Variants in USP15 observed in about 807,000 individuals in gnomAD.
USP15 encodes the protein ubiquitin specific peptidase 15, also known as ubiquitin carboxyl-terminal hydrolase 15.
Under a neutral mutation model 127.1 loss-of-function variants are expected in USP15, and 18 were observed. The observed-to-expected ratio is 0.14, with a 90% CI of 0.10 to 0.21. The LOEUF (loss-of-function observed/expected upper bound fraction) is 0.21, where lower values mean the gene tolerates loss of function less well. Ranked by LOEUF, USP15 falls within the 10% of genes least tolerant of loss-of-function variation. USP15 has a pLI of 1.00. For missense variants in USP15, 805 were observed against 1,159.9 expected, an observed-to-expected ratio of 0.69 and a Z score of 4.44; for synonymous variants, 364 against 393.7, an observed-to-expected ratio of 0.92 and a Z score of 0.89.
At chr12:62,302,419 A>C (rs917181694) in intron 2 of USP15, among the ~76,000 whole-genome samples, 49 of 152,208 alleles carry the variant, frequency 3.2e-4, no homozygotes, top group Non-Finnish European at 7.3e-5. Context: ...TTATGGTACA[A>C]ACTGAAAGTT....
At position 62,343,453 on chromosome 12, in the gene USP15, T is replaced by C. The variant is rs573072612; in HGVS notation, c.684-5768T>C. On this transcript the variant is annotated intron_variant, in intron 6 of 21. Coordinates refer to ENST00000280377, the MANE Select transcript of USP15 (RefSeq NM_001252078.2). ...CTCGCTGGCATTCCAGGCACCACTG[T>C]AGTTACGAGAAAAACTCCTACAGCT... Among the ~76,000 whole-genome samples the C allele has an allele frequency of 7.9e-5, 12 of 152,262 alleles. No homozygotes were observed. The South Asian group carries it at 2.5e-3, about 32-fold the overall frequency.
At chr12:62,386,168 G>GGT (rs1555222185) in intron 11 of USP15, among the ~76,000 whole-genome samples, 2 of 145,296 alleles carry the variant, frequency 1.4e-5, no homozygotes, top group East Asian at 2.0e-4. Flanking sequence ...TGTGTTTTGT[G>GGT]TTTTTTTTTT....
chr12:62,281,586 A>G (rs1186621758), intron 1 of USP15, among the ~76,000 whole-genome samples: 1 of 152,162 alleles, frequency 6.6e-6, no homozygotes, highest in Non-Finnish European at 1.5e-5. Flanking sequence ...TGATCCAGCC[A>G]TCTTGGCCTC....
chr12:62,389,548 G>T (rs1338679882), intron 12 of USP15, 34 bp downstream of exon 12: 2 of 1,610,628 alleles, frequency 1.2e-6, no homozygotes, highest in African/African-American at 2.7e-5. Context: ...TATATAAGTT[G>T]GTATTTAGTT....
intron 1 of USP15, among the ~76,000 whole-genome samples, chr12:62,284,670 C>A (rs2063740572): frequency 6.6e-6 from 1 of 152,036 alleles, no homozygotes; most frequent in African/African-American, 2.4e-5. Flanking sequence ...CTCTCATTAA[C>A]CTTTATCTTT....
At chr12:62,361,893 G>A (rs144139107) in intron 8 of USP15, among the ~76,000 whole-genome samples, 2 of 152,034 alleles carry the variant, frequency 1.3e-5, no homozygotes, top group Non-Finnish European at 2.9e-5. Flanking sequence ...ACCATTGTTC[G>A]ATTAATAGTA....
intron 1 of USP15, among the ~76,000 whole-genome samples, chr12:62,269,620 T>C (rs900983938): frequency 1.3e-5 from 2 of 151,964 alleles, no homozygotes; most frequent in Admixed American, 6.6e-5. Flanking sequence ...AGGATCTTGC[T>C]GTGTTGCCCA....
chr12:62,382,371 G>A lies in USP15; in HGVS notation c.1089+708G>A, dbSNP rs112193597. 7.4e-4 allele frequency among the ~76,000 whole-genome samples: 113 copies of A among 151,862 alleles called. 1 individual carries two copies. The highest frequency in any genetic ancestry group is 2.6e-4 in the Admixed American group (4 of 15,222). ...TAGAGAGAATAAGCAGTTTTAAGTC[G>A]TTATTTATACAAGTAATTTAAATGG... is the stretch of plus-strand genomic sequence containing the variant. On this transcript the variant is annotated intron_variant, in intron 9 of 21. Coordinates refer to ENST00000280377, the MANE Select transcript of USP15 (RefSeq NM_001252078.2).
chr12:62,378,630 G>T (rs2066902898), intron 8 of USP15, among the ~76,000 whole-genome samples: 1 of 152,102 alleles, frequency 6.6e-6, no homozygotes, highest in Non-Finnish European at 1.5e-5. Flanking sequence ...GTTTCAAGGA[G>T]TTTTTAAAAA....
chr12:62,368,608 T>C (rs1456419622), intron 8 of USP15, among the ~76,000 whole-genome samples: 1 of 152,220 alleles, frequency 6.6e-6, no homozygotes, highest in East Asian at 1.9e-4. Context: ...AAAGTATGTT[T>C]TATCAAAGAT....
chr12:62,333,014 A>C lies in USP15; in HGVS notation c.683+7081A>C, dbSNP rs371430664. Among the ~76,000 whole-genome samples, 10 of 152,280 alleles carry C rather than the reference A, an allele frequency of 6.6e-5. No homozygotes were observed. In the South Asian group the frequency reaches 1.5e-3, roughly 22 times the overall value. ...ATTCTGTTTTTATTTTTTTTACACT[A>C]TCTTAAACGTCTTTAGAAATTTTTA... is the stretch of plus-strand genomic sequence containing the variant. On this transcript the variant is annotated intron_variant, in intron 6 of 21. Coordinates refer to ENST00000280377, the MANE Select transcript of USP15 (RefSeq NM_001252078.2).
chr12:62,395,766 T>A (rs1199092407), intron 19 of USP15, among the ~76,000 whole-genome samples: 1 of 151,862 alleles, frequency 6.6e-6, no homozygotes, highest in African/African-American at 2.4e-5. Flanking sequence ...TTTCTGTGCC[T>A]GGCTTATTTG....
intron 1 of USP15, among the ~76,000 whole-genome samples, chr12:62,282,283 A>G (rs1250523624): frequency 1.3e-5 from 2 of 152,094 alleles, no homozygotes; most frequent in Admixed American, 6.6e-5. Flanking sequence ...AGCTGTGATC[A>G]TGCCCCACTG....
At position 62,376,432 on chromosome 12, in the gene USP15, A is replaced by G. The variant is rs532527337; in HGVS notation, c.916-5058A>G. ...AAATGTGGCTTAAGAAATATGTTTT[A>G]TGATCAGTCACATAGCCTCATATTT... is the stretch of plus-strand genomic sequence containing the variant. On this transcript the variant is annotated intron_variant, in intron 8 of 21. Transcript: ENST00000280377. Among the ~76,000 whole-genome samples the G allele has an allele frequency of 4.6e-5, 7 of 152,272 alleles. No homozygotes were observed. In the East Asian group the frequency reaches 1.3e-3, roughly 29 times the overall value.
intron 21 of USP15, among the ~76,000 whole-genome samples, chr12:62,403,588 T>A (rs2067764741): frequency 6.6e-6 from 1 of 151,798 alleles, no homozygotes; most frequent in African/African-American, 2.4e-5. Flanking sequence ...GAATGATGAG[T>A]ATTGACAACT....
chr12:62,291,969 G>A (rs146901746), intron 1 of USP15, among the ~76,000 whole-genome samples: 1 of 152,198 alleles, frequency 6.6e-6, no homozygotes, highest in Non-Finnish European at 1.5e-5. Context: ...GCATTTGCAG[G>A]TATGAGTCAG....
At chr12:62,322,566 C>T (rs891228017) in intron 5 of USP15, among the ~76,000 whole-genome samples, 4 of 152,148 alleles carry the variant, frequency 2.6e-5, no homozygotes, top group African/African-American at 7.2e-5. Context: ...CTTTCATAGT[C>T]TCTTTACAAA....
At chr12:62,340,652 A>C (rs1344190945) in intron 6 of USP15, among the ~76,000 whole-genome samples, 1 of 152,206 alleles carries the variant, frequency 6.6e-6, no homozygotes, top group Non-Finnish European at 1.5e-5. Flanking sequence ...GGAGTCATTC[A>C]GGAGCAGGTT....
chr12:62,371,298 C>T (rs1477100589), intron 8 of USP15, among the ~76,000 whole-genome samples: 1 of 152,152 alleles, frequency 6.6e-6, no homozygotes, highest in East Asian at 1.9e-4. Context: ...CATACTTTCT[C>T]TCTTTCTTCT....
Sources: gnomAD v4.1 joint callset for allele counts (sites outside exome capture counted in the v4.1 genomes callset) on GRCh38, gnomAD v4.1.1 for gene constraint, MANE v1.5 for transcripts, NCBI Gene and HGNC (gene_info 2026-07-23, HGNC 2026-07-21) for gene names.